Variants in TMEM260 observed in about 807,000 individuals in gnomAD.
The protein encoded by TMEM260 is protein O-mannosyl-transferase TMEM260.
In TMEM260, 82 loss-of-function variants were observed where a neutral mutation model predicts 88.9. The observed-to-expected ratio is 0.92, with a 90% confidence interval of 0.77 to 1.11. The LOEUF (loss-of-function observed/expected upper bound fraction) is 1.11, where lower values mean the gene tolerates loss of function less well. TMEM260 is among the 50% of genes least tolerant of loss of function. TMEM260 has a pLI of 0.00. For synonymous variants in TMEM260, 314 were observed against 309.3 expected, an observed-to-expected ratio of 1.02 and a Z score of -0.16; for missense variants, 902 against 853.4, an observed-to-expected ratio of 1.06 and a Z score of -0.71.
At chr14:56,636,314 G>T (rs1280974852) in intron 14 of TMEM260, among the ~76,000 whole-genome samples, 194 bp from the exon 15 acceptor site, 7 of 152,150 alleles carry the variant, frequency 4.6e-5, no homozygotes, top group Non-Finnish European at 1.0e-4. Context: ...TAGTGTGAAT[G>T]CAGCATCTTG....
chr14:56,598,509 G>A (rs1886381090), intron 3 of TMEM260, among the ~76,000 whole-genome samples: 1 of 152,214 alleles, frequency 6.6e-6, no homozygotes, highest in Non-Finnish European at 1.5e-5. Flanking sequence ...GTGTCTTCAT[G>A]AAATCATCCC....
intron 2 of TMEM260, 67 bp from the exon 3 acceptor site, chr14:56,585,694 A>G (rs1385795807): frequency 2.7e-5 from 41 of 1,499,986 alleles, no homozygotes; most frequent in Non-Finnish European, 3.6e-5. Flanking sequence ...CTACTTTTCA[A>G]TTAAGGCCTG....
chr14:56,643,088 G>T lies in TMEM260; in HGVS notation c.1870-4155G>T, dbSNP rs539605924. Among the ~76,000 whole-genome samples, 437 of 152,256 alleles carry T rather than the reference G, an allele frequency of 2.9e-3. 4 individuals are homozygous for T. The highest frequency in any genetic ancestry group is 0.01 in the African/African-American group (418 of 41,548). ...TAGCCGAATTCTACCAGAGGTACAA[G>T]GAGGAACTGGTACCATTCCTTCTGA... is the stretch of plus-strand genomic sequence containing the variant. On this transcript the variant is annotated intron_variant, in intron 15 of 15. Transcript: ENST00000261556.
At chr14:56,593,119 A>C (rs1387922902) in intron 3 of TMEM260, 1 of 152,256 alleles carries the variant, frequency 6.6e-6, no homozygotes, top group Non-Finnish European at 1.5e-5. Flanking sequence ...CAACAGATGA[A>C]TAGTATTCCA....
chr14:56,629,970 G>T (rs779216402), intron 12 of TMEM260, among the ~76,000 whole-genome samples: 1 of 151,748 alleles, frequency 6.6e-6, no homozygotes, highest in African/African-American at 2.4e-5. Flanking sequence ...GAATGCAGGA[G>T]TTTGAGGCTG....
intron 12 of TMEM260, among the ~76,000 whole-genome samples, chr14:56,628,613 G>C (rs1173850774): frequency 6.6e-6 from 1 of 151,460 alleles, no homozygotes; most frequent in East Asian, 1.9e-4. Flanking sequence ...TGTACTTTTC[G>C]CTGTCTATAC....
chr14:56,592,942 C>G (rs1016763253), intron 3 of TMEM260, among the ~76,000 whole-genome samples: 1 of 152,066 alleles, frequency 6.6e-6, no homozygotes, highest in Non-Finnish European at 1.5e-5. Context: ...AATGTGTGTT[C>G]GGAAAGAATT....
chr14:56,606,204 T>G (rs746047110), intron 5 of TMEM260, among the ~76,000 whole-genome samples: 9 of 152,190 alleles, frequency 5.9e-5, no homozygotes, highest in Admixed American at 2.0e-4. Flanking sequence ...TTATTTCTTC[T>G]TTCTCTGAAA....
intron 3 of TMEM260, among the ~76,000 whole-genome samples, chr14:56,598,521 A>G (rs534937380): frequency 7.5e-4 from 114 of 152,322 alleles, no homozygotes; most frequent in African/African-American, 2.7e-3. Context: ...AATCATCCCT[A>G]ATGCCAACCT....
At chr14:56,647,133 G>A (rs74244839) in intron 15 of TMEM260, 110 bp from the exon 16 acceptor site, 35,189 of 1,191,844 alleles carry the variant, frequency 0.03, 844 homozygotes, top group East Asian at 0.13. Context: ...TTTACTGGAG[G>A]CTGCTTGAAT....
intron 10 of TMEM260, among the ~76,000 whole-genome samples, chr14:56,621,234 T>C (rs1887896802): frequency 6.6e-6 from 1 of 151,458 alleles, no homozygotes; most frequent in African/African-American, 2.5e-5. Context: ...AAAAATAAAA[T>C]TGGATTGCAC....
chr14:56,584,610 G>A (rs888371620), intron 1 of TMEM260, among the ~76,000 whole-genome samples: 9 of 152,028 alleles, frequency 5.9e-5, no homozygotes, highest in African/African-American at 1.7e-4. Flanking sequence ...AGATGTCTGC[G>A]CATTTTACCT....
intron 14 of TMEM260, 73 bp from the exon 15 acceptor site, chr14:56,636,435 T>TTATCA: frequency 8.4e-7 from 1 of 1,189,334 alleles, no homozygotes; most frequent in South Asian, 1.2e-5. Context: ...TGGAGAAGCC[T>TTATCA]GGAAGATTTA....
At chr14:56,645,082 G>A (rs1007089290) in intron 15 of TMEM260, among the ~76,000 whole-genome samples, 1 of 150,512 alleles carries the variant, frequency 6.6e-6, no homozygotes, top group Non-Finnish European at 1.5e-5. Context: ...GGAAGTCAGT[G>A]TGGTGATTCC....
At chr14:56,597,584 G>A (rs548185495) in intron 3 of TMEM260, among the ~76,000 whole-genome samples, 1 of 152,264 alleles carries the variant, frequency 6.6e-6, no homozygotes, top group East Asian at 1.9e-4. Context: ...TATCATTAAA[G>A]GAGAGGTCAT....
intron 7 of TMEM260, among the ~76,000 whole-genome samples, chr14:56,615,111 T>C (rs1949799482): frequency 6.6e-6 from 1 of 152,212 alleles, no homozygotes; most frequent in African/African-American, 2.4e-5. Flanking sequence ...TTTTTTCAAG[T>C]GTATTTGAAA....
chr14:56,607,784 G>C (rs1284729035), intron 5 of TMEM260, among the ~76,000 whole-genome samples: 1 of 151,944 alleles, frequency 6.6e-6, no homozygotes, highest in Non-Finnish European at 1.5e-5. Context: ...AGTGATCTGG[G>C]GTGAGGCCCA....
chr14:56,647,130 G>T (rs1714810227), intron 15 of TMEM260, 113 bp from the exon 16 acceptor site: 1 of 1,158,866 alleles, frequency 8.6e-7, no homozygotes, highest in African/African-American at 1.6e-5. Flanking sequence ...ATTTTTACTG[G>T]AGGCTGCTTG....
chr14:56,589,187 A>G (rs1885698162), intron 3 of TMEM260, among the ~76,000 whole-genome samples: 1 of 152,114 alleles, frequency 6.6e-6, no homozygotes, highest in Non-Finnish European at 1.5e-5. Flanking sequence ...TGTTGATAGC[A>G]TTGTATAAAA....
Sources: gnomAD v4.1 joint callset for allele counts (sites outside exome capture counted in the v4.1 genomes callset) on GRCh38, gnomAD v4.1.1 for gene constraint, MANE v1.5 for transcripts, NCBI Gene and HGNC (gene_info 2026-07-23, HGNC 2026-07-21) for gene names.